The following TRAF5 variants were observed in gnomAD, a reference collection of about 807,000 sequenced individuals.
TRAF5 encodes TNF receptor-associated factor 5.
Under a neutral mutation model 64.5 loss-of-function variants are expected in TRAF5, and 48 were observed. The observed-to-expected ratio is 0.74, with a 90% CI of 0.59 to 0.95. The LOEUF is 0.95. Among genes scored for constraint, TRAF5 ranks in the 40% least tolerant of loss-of-function variants. The pLI, the probability that TRAF5 is intolerant of heterozygous loss-of-function variation, is 0.00. For missense variants in TRAF5, 545 were observed against 662.8 expected, an observed-to-expected ratio of 0.82 and a Z score of 1.95; for synonymous variants, 206 against 240.5, an observed-to-expected ratio of 0.86 and a Z score of 1.33.
At chr1:211,328,792 G>A (rs28375813) in intron 1 of TRAF5, among the ~76,000 whole-genome samples, 4,513 of 152,318 alleles carry the variant, frequency 0.03, 221 homozygotes, top group African/African-American at 0.1. Context: ...CCTTTGCAAA[G>A]CATTTTCTCT....
chr1:211,371,575 A>G, intron 10 of TRAF5, 105 bp downstream of exon 10: 1 of 1,161,186 alleles, frequency 8.6e-7, no homozygotes, highest in South Asian at 1.5e-5. Flanking sequence ...GTCCAGGATA[A>G]ACAATGGCTG....
At chr1:211,367,579 A>G (rs1361455893) in intron 8 of TRAF5, among the ~76,000 whole-genome samples, 4 of 152,214 alleles carry the variant, frequency 2.6e-5, no homozygotes, top group African/African-American at 9.6e-5. Context: ...AAAGAGAGAG[A>G]GTATCAAGAG....
intron 1 of TRAF5, among the ~76,000 whole-genome samples, chr1:211,336,928 G>A (rs148661947): frequency 6.6e-6 from 1 of 152,144 alleles, no homozygotes; most frequent in Non-Finnish European, 1.5e-5. Flanking sequence ...CAAAGTGCCG[G>A]GATTAAAGGC....
rs146769184 is a variant in TRAF5, at chr1:211,373,312, G to C, written c.*610G>C. On this transcript the variant is annotated 3_prime_UTR_variant, in exon 11 of 11. Coordinates refer to ENST00000261464, the MANE Select transcript of TRAF5 (RefSeq NM_001033910.3). ...GTTTTGCAAGGCTGCATAAGAACTG[G>C]TGAATGGGGTAAGCATTTTCATTCT... The C allele has an allele frequency of 2.0e-5, 3 of 152,392 alleles. No individual in the cohort carries two copies. In the East Asian group the frequency reaches 5.8e-4, roughly 29 times the overall value. 9.4% of individuals were successfully genotyped at this position (152,392 alleles called of 1,614,324 possible). A position where few individuals can be genotyped will look rare whatever the true frequency, so the allele number is the denominator to read the frequency against.
upstream of TRAF5, chr1:211,326,770 C>A (rs571265953): frequency 3.3e-4 from 323 of 984,932 alleles, 3 homozygotes; most frequent in African/African-American, 5.2e-3. The surrounding 1 kb of genome is among the most constrained non-coding windows in gnomAD (Gnocchi z 5.0). Context: ...CGCGCCCCTC[C>A]GCCCGCGCCC....
chr1:211,334,859 C>T (rs1702248609), intron 1 of TRAF5, among the ~76,000 whole-genome samples: 1 of 152,102 alleles, frequency 6.6e-6, no homozygotes, highest in South Asian at 2.1e-4. Context: ...GCATAGCTTT[C>T]CTTCATAATC....
intron 4 of TRAF5, chr1:211,358,773 A>G (rs1262793146): frequency 2.0e-5 from 3 of 147,038 alleles, no homozygotes; most frequent in African/African-American, 5.0e-5. Context: ...CCATGTAATC[A>G]TTCTCTAATA....
intron 1 of TRAF5, among the ~76,000 whole-genome samples, chr1:211,339,469 C>T (rs951300962): frequency 2.6e-5 from 4 of 152,192 alleles, no homozygotes; most frequent in Non-Finnish European, 5.9e-5. Flanking sequence ...TGGTAAGTTT[C>T]ACTGTGAAAC....
chr1:211,364,942 G>T (rs1703301904), intron 7 of TRAF5, among the ~76,000 whole-genome samples: 1 of 152,072 alleles, frequency 6.6e-6, no homozygotes, highest in Non-Finnish European at 1.5e-5. Flanking sequence ...GGAGGCCAAG[G>T]TAGGCAGATC....
chr1:211,357,138 G>A (rs12752670), intron 4 of TRAF5: 20,087 of 152,214 alleles, frequency 0.13, 1,394 homozygotes, highest in South Asian at 0.2. Flanking sequence ...CTGCCTGGCA[G>A]GCCCATGTCA....
At position 211,365,383 on chromosome 1, in the gene TRAF5, G is replaced by A. The variant is rs551270485; in HGVS notation, c.704G>A (p.Arg235Gln). ...KHYGCAVTDK[R>Q]RNLQQHEHSA... ...TTTCTCTTCATATTGAAGGATAAAC[G>A]GAGGAACCTGCAGCAACATGAGCAT... Residue 235 changes from arginine to glutamine, a missense_variant, in exon 8 of 11, where the codon CGG becomes CAG. Arg to Gln is a conservative substitution (Grantham distance 43, BLOSUM62 1). Coordinates refer to ENST00000261464, the MANE Select transcript of TRAF5 (RefSeq NM_001033910.3). The A allele has an allele frequency of 3.2e-5, 51 of 1,613,126 alleles. No individual in the cohort carries two copies. Among genetic ancestry groups the A allele is most frequent in the East Asian group, 8.9e-5 (4 of 44,818 alleles).
chr1:211,350,156 A>G (rs1702738867), intron 1 of TRAF5, among the ~76,000 whole-genome samples: 1 of 151,438 alleles, frequency 6.6e-6, no homozygotes, highest in Non-Finnish European at 1.5e-5. Flanking sequence ...GAAGTTTTGC[A>G]GGAAACACTA....
intron 2 of TRAF5, among the ~76,000 whole-genome samples, chr1:211,354,105 T>C (rs142815532): frequency 1.3e-5 from 2 of 152,330 alleles, no homozygotes; most frequent in East Asian, 3.9e-4. Flanking sequence ...CCCTCTAGAA[T>C]GTCCCAGTCT....
rs540504257 is a variant in TRAF5 at position 211,356,027 on chromosome 1, A to G, written c.277-340A>G. Among the ~76,000 whole-genome samples the G allele has an allele frequency of 3.3e-5, 5 of 152,298 alleles. No individual in the cohort carries two copies. In the South Asian group the frequency reaches 1.0e-3, roughly 32 times the overall value. ...AGTGACACTGTCTGATAAGTAATAC[A>G]TTTACCCTGGGACAGGAAGCTGAAA... On this transcript the variant is annotated intron_variant, in intron 3 of 10. Coordinates refer to ENST00000261464, the MANE Select transcript of TRAF5 (RefSeq NM_001033910.3).
chr1:211,364,708 C>CAAAA (rs796775145), intron 7 of TRAF5, among the ~76,000 whole-genome samples: 92 of 151,098 alleles, frequency 6.1e-4, no homozygotes, highest in African/African-American at 2.1e-3. Context: ...AACAAACAAA[C>CAAAA]AAAACTGATT....
At chr1:211,346,278 T>C in intron 1 of TRAF5, 1 of 771,034 alleles carries the variant, frequency 1.3e-6, no homozygotes, top group Non-Finnish European at 1.6e-6. Flanking sequence ...TGATCATTTT[T>C]GTGCCTTATT....
At chr1:211,327,090 C>T (rs1702035035) in intron 1 of TRAF5, among the ~76,000 whole-genome samples, 2 of 152,020 alleles carry the variant, frequency 1.3e-5, no homozygotes, top group Non-Finnish European at 2.9e-5. Context: ...TTGCGGGAGA[C>T]CGGCGGGGCA....
rs567281927 is a variant in TRAF5 at position 211,361,651 on chromosome 1, CAGGTTGACACATAA to C, written c.696+491_696+504del. Among the ~76,000 whole-genome samples the C allele has an allele frequency of 4.5e-3, 673 of 151,054 alleles. 4 individuals are homozygous for C. The highest frequency in any genetic ancestry group is 0.016 in the African/African-American group (642 of 41,096). On this transcript the variant is annotated intron_variant, in intron 7 of 10. Coordinates refer to ENST00000261464, the MANE Select transcript of TRAF5 (RefSeq NM_001033910.3). ...AAACAATTGGGCACCATAGCCTAGC[CAGGTTGACACATAA>C]AATTAACCATCACAATAATTATTCG...
rs781272666 is a variant in TRAF5 at position 211,372,351 on chromosome 1, G to T, written c.1323G>T (p.Arg441=). The change falls in exon 11 of 11, where the codon CGG becomes CGT. Residue 441 remains arginine, a synonymous_variant. Transcript: ENST00000261464. ...TCTACACCAGCCGCTGTGGCTACCGGCTCTGTGCTAGAGCATACCTGAATG... is the reference window on the plus strand; with the variant it reads ...TCTACACCAGCCGCTGTGGCTACCGTCTCTGTGCTAGAGCATACCTGAATG... ...QSFYTSRCGY[R]LCARAYLNGD... 1.3e-5 allele frequency: 21 copies of T among 1,614,156 alleles called. No homozygotes were observed. In the South Asian group the frequency reaches 2.2e-4, roughly 17 times the overall value.
Sources: gnomAD v4.1 joint callset for allele counts (sites outside exome capture counted in the v4.1 genomes callset) on GRCh38, gnomAD v4.1.1 for gene constraint, Gnocchi (gnomAD v3.1) non-coding constraint, MANE v1.5 for transcripts, NCBI Gene and HGNC (gene_info 2026-07-23, HGNC 2026-07-21) for gene names.